Variants in FMN1 observed in about 807,000 individuals in gnomAD.
FMN1 encodes formin-1.
FMN1 carries 110 observed loss-of-function variants against 132.4 expected under a neutral mutation model. The observed-to-expected ratio is 0.83, with a 90% confidence interval of 0.71 to 0.97. The LOEUF is 0.97. Ranked by LOEUF, FMN1 falls within the 50% of genes least tolerant of loss-of-function variation. The pLI is 0.00. For synonymous variants in FMN1, 722 were observed against 651.7 expected, an observed-to-expected ratio of 1.11 and a Z score of -1.64; for missense variants, 1,792 against 1,705.3, an observed-to-expected ratio of 1.05 and a Z score of -0.90.
At chr15:32,963,318 G>C (rs2030803078) in intron 9 of FMN1, among the ~76,000 whole-genome samples, 1 of 131,336 alleles carries the variant, frequency 7.6e-6, no homozygotes, top group African/African-American at 2.8e-5. Flanking sequence ...ACAGGAAGGG[G>C]AACATCACAC....
intron 3 of FMN1, among the ~76,000 whole-genome samples, chr15:33,155,557 T>C (rs1964638019): frequency 6.6e-6 from 1 of 152,174 alleles, no homozygotes; most frequent in Non-Finnish European, 1.5e-5. Context: ...TAAAACACAA[T>C]GTGAGGAAAG....
At chr15:33,184,631 G>A (rs1416555161) in intron 2 of FMN1, among the ~76,000 whole-genome samples, 5 of 151,498 alleles carry the variant, frequency 3.3e-5, no homozygotes, top group Admixed American at 6.6e-5. Context: ...AGCCTCTCAA[G>A]CAGCTGGGAT....
intron 20 of FMN1, among the ~76,000 whole-genome samples, chr15:32,776,264 G>A (rs371075486): frequency 1.1e-4 from 17 of 152,290 alleles, no homozygotes; most frequent in African/African-American, 3.8e-4. Flanking sequence ...GAGATTCATT[G>A]TGATCTCTAC....
Position 32,873,345 on chromosome 15 carries a change from A to C in FMN1, c.3835+14827T>G, listed in dbSNP as rs143595510. On this transcript the variant is annotated intron_variant, in intron 16 of 20. Transcript: ENST00000616417. ...TCAGAAACAGTTTAGAGTGGGTAAC[A>C]AAGTGGCCAATAGTCTCGCTTGCTG... Among the ~76,000 whole-genome samples, 248 of 152,364 alleles carry C rather than the reference A, an allele frequency of 1.6e-3. 11 individuals are homozygous for C. The East Asian group carries it at 0.039, about 24-fold the overall frequency.
intron 8 of FMN1, among the ~76,000 whole-genome samples, chr15:32,967,496 G>A (rs1273056249): frequency 6.6e-6 from 1 of 152,174 alleles, no homozygotes; most frequent in East Asian, 1.9e-4. Flanking sequence ...GATTTTTTAG[G>A]AAATGTCTGA....
intron 5 of FMN1, among the ~76,000 whole-genome samples, chr15:33,070,492 A>T (rs1183278677): frequency 6.6e-6 from 1 of 151,718 alleles, no homozygotes; most frequent in Non-Finnish European, 1.5e-5. Flanking sequence ...TTTGGGCAAA[A>T]TGGAACAGAT....
intron 7 of FMN1, among the ~76,000 whole-genome samples, chr15:32,974,585 A>C (rs2032051029): frequency 6.6e-6 from 1 of 152,172 alleles, no homozygotes; most frequent in Non-Finnish European, 1.5e-5. Flanking sequence ...AGTTTTGTGG[A>C]TGACACTGGT....
At position 32,931,955 on chromosome 15, in the gene FMN1, C is replaced by T. The variant is rs73370897; in HGVS notation, c.3139-5694G>A. 9.7e-3 allele frequency among the ~76,000 whole-genome samples: 1,483 copies of T among 152,112 alleles called. 27 individuals are homozygous for T. The highest frequency in any genetic ancestry group is 0.034 in the African/African-American group (1,401 of 41,518). On this transcript the variant is annotated intron_variant, in intron 9 of 20. Transcript: ENST00000616417. ...AAACAGTGTTGAGTTTTTTCAAATG[C>T]TTTTTCTGCATCTATCAAAATATTT...
rs71424680 is a variant in FMN1 at position 32,908,603 on chromosome 15, CA to C, written c.3289-26del. ...TCTGTATCAAAATAGAAAACAAAAC[CA>C]AAAAAAAAAAAAAAAAAAAGGGAAG... is the stretch of plus-strand genomic sequence containing the variant. On this transcript the variant is annotated intron_variant, in intron 11 of 20. Coordinates refer to ENST00000616417, the MANE Select transcript of FMN1 (RefSeq NM_001277313.2). 0.19 allele frequency: 113,690 copies of C among 588,754 alleles called. 3,241 individuals carry two copies. The highest frequency in any genetic ancestry group is 0.26 in the East Asian group (7,087 of 27,640). The allele number at this position is 588,754 out of a possible 1,614,324, so 36.5% of individuals were successfully genotyped here. A position where few individuals can be genotyped will look rare whatever the true frequency, so the allele number is the denominator to read the frequency against.
intron 7 of FMN1, 43 bp from the exon 8 acceptor site, chr15:32,969,520 A>C: frequency 6.3e-7 from 1 of 1,584,174 alleles, no homozygotes; most frequent in Non-Finnish European, 8.6e-7. Flanking sequence ...GAGTTTATTA[A>C]GAACAAACTT....
chr15:33,059,426 C>A (rs555908588), intron 6 of FMN1, among the ~76,000 whole-genome samples: 5 of 152,120 alleles, frequency 3.3e-5, no homozygotes, highest in African/African-American at 4.8e-5. Flanking sequence ...TGTGATTACT[C>A]GGTCATTTTG....
At chr15:33,153,015 A>T in intron 4 of FMN1, 33 bp downstream of exon 4, 1 of 1,466,008 alleles carries the variant, frequency 6.8e-7, no homozygotes, top group Non-Finnish European at 9.0e-7. Flanking sequence ...ATCAGCCAAG[A>T]ATAGATTCAA....
At chr15:33,160,704 C>T (rs1307721805) in intron 3 of FMN1, among the ~76,000 whole-genome samples, 3 of 152,210 alleles carry the variant, frequency 2.0e-5, no homozygotes, top group Admixed American at 1.3e-4. Flanking sequence ...GAGGCACACA[C>T]TAAATTATAC....
At chr15:32,860,455 C>A (rs1254781804) in intron 16 of FMN1, among the ~76,000 whole-genome samples, 1 of 152,118 alleles carries the variant, frequency 6.6e-6, no homozygotes, top group Non-Finnish European at 1.5e-5. Context: ...GAATTTGAGA[C>A]AAGCTTGGCC....
chr15:33,110,881 A>G (rs1001614536), intron 4 of FMN1, among the ~76,000 whole-genome samples: 1 of 152,100 alleles, frequency 6.6e-6, no homozygotes, highest in Non-Finnish European at 1.5e-5. Flanking sequence ...CTTGGCATGC[A>G]GTATATTTTT....
chr15:32,942,170 G>A (rs1486461215), intron 9 of FMN1, among the ~76,000 whole-genome samples: 1 of 152,216 alleles, frequency 6.6e-6, no homozygotes, highest in African/African-American at 2.4e-5. Flanking sequence ...ATGCCTTCCA[G>A]AGTGGGAAAG....
chr15:33,002,200 A>C (rs985083471), intron 7 of FMN1, among the ~76,000 whole-genome samples: 1 of 152,212 alleles, frequency 6.6e-6, no homozygotes, highest in African/African-American at 2.4e-5. Flanking sequence ...TGTACTTTAA[A>C]AGCATGAAAC....
At chr15:32,840,373 T>C (rs1239561456) in intron 17 of FMN1, among the ~76,000 whole-genome samples, 1 of 152,166 alleles carries the variant, frequency 6.6e-6, no homozygotes, top group African/African-American at 2.4e-5. Flanking sequence ...TATTTGAATA[T>C]CTAGCTCCAC....
intron 16 of FMN1, among the ~76,000 whole-genome samples, chr15:32,863,884 C>T (rs1034957150): frequency 6.6e-6 from 1 of 152,178 alleles, no homozygotes; most frequent in African/African-American, 2.4e-5. Context: ...GCACAATTTT[C>T]TTCTTATGGC....
Sources: gnomAD v4.1 joint callset for allele counts (sites outside exome capture counted in the v4.1 genomes callset) on GRCh38, gnomAD v4.1.1 for gene constraint, MANE v1.5 for transcripts, NCBI Gene and HGNC (gene_info 2026-07-23, HGNC 2026-07-21) for gene names.